The following NXPE3 variants were observed in gnomAD, a reference collection of about 807,000 sequenced individuals.
NXPE3 encodes NXPE family member 3.
A neutral mutation model predicts 46.1 loss-of-function variants in NXPE3; 26 were observed. That is an observed-to-expected ratio of 0.56 (90% CI 0.41 to 0.78). The LOEUF (loss-of-function observed/expected upper bound fraction) is 0.78. Ranked by LOEUF, NXPE3 falls within the 30% of genes least tolerant of loss-of-function variation. The pLI, the probability that NXPE3 is intolerant of heterozygous loss-of-function variation, is 0.00. For missense variants in NXPE3, 620 were observed against 686.0 expected, an observed-to-expected ratio of 0.90 and a Z score of 1.07; for synonymous variants, 272 against 257.9, an observed-to-expected ratio of 1.05 and a Z score of -0.52.
intron 1 of NXPE3, among the ~76,000 whole-genome samples, chr3:101,780,673 G>C (rs767530309): frequency 1.3e-5 from 2 of 152,308 alleles, no homozygotes; most frequent in Non-Finnish European, 2.9e-5. Flanking sequence ...GATTATTAAT[G>C]TTCATGCAGG....
intron 4 of NXPE3, among the ~76,000 whole-genome samples, chr3:101,795,559 T>A (rs1431607608): frequency 1.3e-5 from 2 of 152,046 alleles, no homozygotes; most frequent in Non-Finnish European, 2.9e-5. Context: ...AAGGGGGTAT[T>A]TGTAACAATA....
At chr3:101,812,406 A>G (rs1323052573) in intron 6 of NXPE3, among the ~76,000 whole-genome samples, 2 of 152,164 alleles carry the variant, frequency 1.3e-5, no homozygotes, top group African/African-American at 2.4e-5. Flanking sequence ...CCTCCTCAAT[A>G]TATCAGCAAA....
intron 4 of NXPE3, among the ~76,000 whole-genome samples, chr3:101,800,669 A>G (rs1257521905): frequency 1.3e-5 from 2 of 149,974 alleles, no homozygotes; most frequent in Non-Finnish European, 3.0e-5. Context: ...ACATGTTTTG[A>G]TACTCATTGG....
intron 3 of NXPE3, among the ~76,000 whole-genome samples, chr3:101,784,856 T>C (rs533956543): frequency 5.5e-4 from 84 of 152,274 alleles, no homozygotes; most frequent in African/African-American, 1.9e-3. Flanking sequence ...GGACCACATA[T>C]GTGGTGGGGA....
Position 101,801,260 on chromosome 3 carries a change from C to A in NXPE3, c.119C>A (p.Ala40Asp). Residue 40 changes from alanine (A) to aspartate (D), a missense_variant, in exon 5 of 8, where the codon GCC becomes GAC. Ala to Asp is a moderately radical substitution (Grantham distance 126). Transcript: ENST00000273347. The stretch of plus-strand genomic sequence containing the variant: ...TACTTGGACCATGAGACTGTTTCAG[C>A]CACTTTCATCGACAGCAGTGGACAG... ...VEYLDHETVS[A>D]TFIDSSGQFV... 6.2e-7 allele frequency: 1 copy of A among 1,612,550 alleles called. No individual in the cohort carries two copies. The highest frequency in any genetic ancestry group is 8.5e-7 in the Non-Finnish European group (1 of 1,179,200).
intron 6 of NXPE3, among the ~76,000 whole-genome samples, chr3:101,809,518 C>G (rs1030148160): frequency 2.6e-5 from 4 of 152,150 alleles, no homozygotes; most frequent in African/African-American, 4.8e-5. Context: ...TCAGATCTTG[C>G]CTGTGGCAAT....
chr3:101,790,080 C>G (rs1012044747), intron 4 of NXPE3, among the ~76,000 whole-genome samples: 1 of 152,120 alleles, frequency 6.6e-6, no homozygotes, highest in Non-Finnish European at 1.5e-5. Flanking sequence ...TTTAATTCCC[C>G]TGAGAGCATA....
chr3:101,806,685 C>A (rs1214075375), intron 5 of NXPE3, among the ~76,000 whole-genome samples: 1 of 152,096 alleles, frequency 6.6e-6, no homozygotes, highest in East Asian at 1.9e-4. Flanking sequence ...CTTAATGCAG[C>A]GTATACTTGC....
intron 7 of NXPE3, among the ~76,000 whole-genome samples, chr3:101,819,452 T>A (rs985351660): frequency 2.6e-5 from 4 of 152,244 alleles, no homozygotes; most frequent in African/African-American, 9.6e-5. Context: ...TGTGTTATTC[T>A]CATGATAGAG....
intron 4 of NXPE3, among the ~76,000 whole-genome samples, chr3:101,799,200 G>A (rs866929759): frequency 1.5e-4 from 23 of 151,962 alleles, no homozygotes; most frequent in Admixed American, 9.2e-4. Flanking sequence ...TCAGCCTCCC[G>A]AAGTGTTGGA....
At chr3:101,813,024 A>C (rs1560061951) in intron 6 of NXPE3, among the ~76,000 whole-genome samples, 2 of 152,104 alleles carry the variant, frequency 1.3e-5, no homozygotes, top group African/African-American at 4.8e-5. Context: ...AGTAAACTCA[A>C]ACTCAAGCCA....
rs1396460681 is a variant in NXPE3 at position 101,822,801 on chromosome 3, T to C, written c.*847T>C. 1.3e-5 allele frequency: 2 copies of C among 151,594 alleles called. No homozygotes were observed. The highest frequency in any genetic ancestry group is 6.6e-5 in the Admixed American group (1 of 15,224). 9.4% of individuals were successfully genotyped at this position (151,594 alleles called of 1,614,324 possible). On this transcript the variant is annotated 3_prime_UTR_variant, in exon 8 of 8. Transcript: ENST00000273347. ...TTGTGTAAAGAATGCTACGATATTA[T>C]AAAGCTGTGGAAGTTTTTTCCACTA...
chr3:101,800,619 A>G (rs553106482), intron 4 of NXPE3, among the ~76,000 whole-genome samples: 110 of 152,130 alleles, frequency 7.2e-4, no homozygotes, highest in African/African-American at 2.2e-3. Flanking sequence ...GTTTCAGACT[A>G]TAATGTAGAT....
chr3:101,821,586 A>G lies in NXPE3; in HGVS notation c.1312A>G (p.Thr438Ala), dbSNP rs753911382. Residue 438 changes from threonine to alanine, a missense_variant, in exon 8 of 8, where the codon ACA (threonine) becomes GCA (alanine). Thr to Ala is a moderately conservative substitution (Grantham distance 58, BLOSUM62 0). Transcript: ENST00000273347. The part of the protein sequence containing the change: ...ELNGIVGGKN[T>A]VVAIAVWSHF... ...GAATGGCATTGTGGGAGGGAAGAACACAGTGGTTGCCATAGCTGTATGGTC... is the reference window on the plus strand; with the variant it reads ...GAATGGCATTGTGGGAGGGAAGAACGCAGTGGTTGCCATAGCTGTATGGTC... The G allele has an allele frequency of 1.2e-6, 2 of 1,614,176 alleles. No individual in the cohort carries two copies. The highest frequency in any genetic ancestry group is 1.1e-5 in the South Asian group (1 of 91,074).
chr3:101,784,712 C>T (rs1249458598), intron 3 of NXPE3, among the ~76,000 whole-genome samples: 1 of 152,194 alleles, frequency 6.6e-6, no homozygotes, highest in Non-Finnish European at 1.5e-5. Context: ...ACTCTGAAGT[C>T]CTCTGCCTCT....
intron 4 of NXPE3, among the ~76,000 whole-genome samples, chr3:101,787,301 C>T (rs1453725641): frequency 6.6e-6 from 1 of 151,982 alleles, no homozygotes; most frequent in Non-Finnish European, 1.5e-5. Context: ...GATATTTGTC[C>T]TTTTTTTGTT....
At chr3:101,818,524 T>G (rs948326678) in intron 7 of NXPE3, among the ~76,000 whole-genome samples, 1 of 151,692 alleles carries the variant, frequency 6.6e-6, no homozygotes, top group African/African-American at 2.4e-5. Flanking sequence ...CAGACATATC[T>G]TCACCTGATA....
intron 4 of NXPE3, among the ~76,000 whole-genome samples, chr3:101,795,485 T>C (rs369025066): frequency 6.6e-6 from 1 of 150,908 alleles, no homozygotes; most frequent in East Asian, 1.9e-4. Flanking sequence ...ACCACTGCAC[T>C]TCAGCCTGGG....
At chr3:101,803,473 A>G (rs958187270) in intron 5 of NXPE3, among the ~76,000 whole-genome samples, 7 of 152,348 alleles carry the variant, frequency 4.6e-5, no homozygotes, top group African/African-American at 1.4e-4. Flanking sequence ...CAACTCCTCA[A>G]AACAAAACCA....
Sources: gnomAD v4.1 joint callset for allele counts (sites outside exome capture counted in the v4.1 genomes callset) on GRCh38, gnomAD v4.1.1 for gene constraint, MANE v1.5 for transcripts, NCBI Gene and HGNC (gene_info 2026-07-23, HGNC 2026-07-21) for gene names.